Variants in LVRN observed in about 807,000 individuals in gnomAD.
LVRN encodes laeverin.
LVRN carries 99 observed loss-of-function variants against 111.4 expected under a neutral mutation model. The observed-to-expected ratio is 0.89, with a 90% confidence interval of 0.76 to 1.05. The LOEUF (loss-of-function observed/expected upper bound fraction) is 1.05, where lower values mean the gene tolerates loss of function less well. Ranked by LOEUF, LVRN falls within the 50% of genes least tolerant of loss-of-function variation. LVRN has a pLI of 0.00. For synonymous variants in LVRN, 488 were observed against 449.5 expected, an observed-to-expected ratio of 1.09 and a Z score of -1.08; for missense variants, 1,414 against 1,206.8, an observed-to-expected ratio of 1.17 and a Z score of -2.54.
At chr5:115,977,955 G>C (rs544496807) in intron 1 of LVRN, among the ~76,000 whole-genome samples, 4 of 152,196 alleles carry the variant, frequency 2.6e-5, no homozygotes, top group African/African-American at 9.6e-5. Context: ...GAAAGATCAA[G>C]ATCAAATAAG....
At position 116,015,670 on chromosome 5, in the gene LVRN, T is replaced by C; in HGVS notation, c.2661T>C (p.Asn887=). The C allele has an allele frequency of 2.5e-6, 4 of 1,613,546 alleles. No homozygotes were observed. The highest frequency in any genetic ancestry group is 3.4e-6 in the Non-Finnish European group (4 of 1,179,644). Residue 887 remains asparagine (N), a synonymous_variant, in exon 18 of 20, where the codon AAT becomes AAC. Coordinates refer to ENST00000357872, the MANE Select transcript of LVRN (RefSeq NM_173800.5). ...TCAGCACATCTCCATTCACTTCTAATGAAACAAATATAATTGAGGTTGTGG... is the reference window on the plus strand; with the variant it reads ...TCAGCACATCTCCATTCACTTCTAACGAAACAAATATAATTGAGGTTGTGG... ...YAISTSPFTS[N]ETNIIEVVAS...
chr5:116,015,019 T>G (rs1474176415), intron 16 of LVRN, among the ~76,000 whole-genome samples: 2 of 152,142 alleles, frequency 1.3e-5, no homozygotes, highest in African/African-American at 4.8e-5. Flanking sequence ...ATCAATATAC[T>G]CTATACTATT....
intron 1 of LVRN, among the ~76,000 whole-genome samples, chr5:115,963,799 C>T (rs1310379986): frequency 6.6e-6 from 1 of 152,194 alleles, no homozygotes; most frequent in African/African-American, 2.4e-5. Context: ...GCGGTCCTTC[C>T]TCTGGCCAGT....
chr5:116,012,532 TAATAA>T, intron 15 of LVRN, 64 bp downstream of exon 15: 1 of 963,300 alleles, frequency 1.0e-6, no homozygotes, highest in Non-Finnish European at 1.5e-6. Context: ...CTTCCAGAAG[TAATAA>T]AATAAAATCT....
intron 6 of LVRN, among the ~76,000 whole-genome samples, chr5:115,999,320 A>G (rs983690489): frequency 3.3e-5 from 5 of 152,188 alleles, no homozygotes; most frequent in African/African-American, 1.2e-4. Context: ...TTATTACATC[A>G]GCATCTTTGT....
intron 15 of LVRN, among the ~76,000 whole-genome samples, chr5:116,013,736 C>A (rs923623852): frequency 6.6e-6 from 1 of 152,272 alleles, no homozygotes; most frequent in African/African-American, 2.4e-5. Flanking sequence ...ATTTGGGTTT[C>A]TTTACCCTGA....
Position 116,026,299 on chromosome 5 carries a change from T to C in LVRN, c.*181T>C, listed in dbSNP as rs1039310311. The stretch of plus-strand genomic sequence containing the variant: ...TTTGGCCCTGAGGGTGGGTGATTGC[T>C]GACAATTTTGCCAATGCTGCTGTAT... On this transcript the variant is annotated 3_prime_UTR_variant, in exon 20 of 20. Transcript: ENST00000357872. The C allele has an allele frequency of 1.1e-5, 9 of 841,762 alleles. No individual in the cohort carries two copies. The African/African-American group carries it at 1.6e-4, about 15-fold the overall frequency. The allele number at this position is 841,762 out of a possible 1,614,324, so 52.1% of individuals were successfully genotyped here. A position where few individuals can be genotyped will look rare whatever the true frequency, so the allele number is the denominator to read the frequency against.
At chr5:116,011,882 T>G (rs948576173) in intron 14 of LVRN, among the ~76,000 whole-genome samples, 3 of 152,214 alleles carry the variant, frequency 2.0e-5, no homozygotes, top group African/African-American at 4.8e-5. Context: ...ATTTACCAGC[T>G]AATAGCTTAT....
In LVRN at chr5:115,963,039, C is replaced by A; in HGVS notation, c.422C>A (p.Thr141Asn). The stretch of plus-strand genomic sequence containing the variant: ...ATCACGGTGCGCTGCACGGTGGCCA[C>A]CTCTCGACTGCTGCTGCATAGCCTC... ...VNITVRCTVA[T>N]SRLLLHSLFQ... The change falls in exon 1 of 20, where the codon ACC becomes AAC. Residue 141 changes from threonine (T) to asparagine (N), a missense_variant. By Grantham distance (65) the Thr-to-Asn change is moderately conservative. Coordinates refer to ENST00000357872, the MANE Select transcript of LVRN (RefSeq NM_173800.5). 1.2e-6 allele frequency: 2 copies of A among 1,613,632 alleles called. No individual in the cohort carries two copies. The highest frequency in any genetic ancestry group is 1.7e-6 in the Non-Finnish European group (2 of 1,179,924).
intron 3 of LVRN, among the ~76,000 whole-genome samples, chr5:115,985,906 A>G (rs1222987626): frequency 6.6e-6 from 1 of 152,192 alleles, no homozygotes; most frequent in Non-Finnish European, 1.5e-5. Context: ...GCTCGCTAAC[A>G]TACTCTCCTG....
intron 12 of LVRN, among the ~76,000 whole-genome samples, chr5:116,004,365 C>G (rs561444843): frequency 6.6e-5 from 10 of 152,310 alleles, no homozygotes; most frequent in African/African-American, 2.4e-4. Flanking sequence ...ACAGTTGGCT[C>G]TGCTGTGACT....
intron 1 of LVRN, among the ~76,000 whole-genome samples, chr5:115,981,552 C>T (rs1753560328): frequency 6.6e-6 from 1 of 152,106 alleles, no homozygotes; most frequent in African/African-American, 2.4e-5. Flanking sequence ...ATGGGGTATC[C>T]ATCCCCTCAA....
chr5:116,015,527 G>A (rs17138667), intron 17 of LVRN, 101 bp from the exon 18 acceptor site: 315,719 of 1,475,400 alleles, frequency 0.21, 36,340 homozygotes, highest in African/African-American at 0.4. Context: ...GCGTATTTGT[G>A]CTTCACTACC....
At chr5:115,997,010 A>G (rs1222122708) in intron 6 of LVRN, among the ~76,000 whole-genome samples, 1 of 152,212 alleles carries the variant, frequency 6.6e-6, no homozygotes, top group Non-Finnish European at 1.5e-5. Context: ...TATTTATATT[A>G]TCTCATTCAA....
intron 18 of LVRN, among the ~76,000 whole-genome samples, chr5:116,017,037 T>C (rs1748616333): frequency 6.6e-6 from 1 of 152,236 alleles, no homozygotes; most frequent in Non-Finnish European, 1.5e-5. Context: ...TGGTATCTGA[T>C]AAATGCTGTA....
chr5:115,993,753 T>A lies in LVRN; in HGVS notation c.1273T>A (p.Leu425Met), dbSNP rs1748046119. The A allele has an allele frequency of 6.2e-7, 1 of 1,603,646 alleles. No individual in the cohort carries two copies. The highest frequency in any genetic ancestry group is 8.5e-7 in the Non-Finnish European group (1 of 1,177,212). The change falls in exon 6 of 20, where the codon TTG becomes ATG. Residue 425 changes from leucine to methionine, a missense_variant. Leu to Met is a conservative substitution (Grantham distance 15). Transcript: ENST00000357872. ...TCATTTCCAAAAGTGGTTTGGAAACTTGGTTACCATGAATTGGTGGAACAA... is the reference window on the plus strand; with the variant it reads ...TCATTTCCAAAAGTGGTTTGGAAACATGGTTACCATGAATTGGTGGAACAA... ...HEIGHQWFGN[L>M]VTMNWWNNIW...
At chr5:115,964,720 G>A (rs956850025) in intron 1 of LVRN, among the ~76,000 whole-genome samples, 3 of 152,058 alleles carry the variant, frequency 2.0e-5, no homozygotes, top group South Asian at 4.1e-4. Flanking sequence ...GGGAAGTCCC[G>A]TTCAATTTTT....
chr5:116,021,674 CTATT>C lies in LVRN; in HGVS notation c.2757-715_2757-712del, dbSNP rs559606738. The C allele has an allele frequency of 2.0e-3, 903 of 443,896 alleles. 1 individual carries two copies. Among genetic ancestry groups the C allele is most frequent in the Non-Finnish European group, 2.9e-3 (650 of 222,816 alleles). The allele number at this position is 443,896 out of a possible 1,614,324, so 27.5% of individuals were successfully genotyped here. A position where few individuals can be genotyped will look rare whatever the true frequency, so the allele number is the denominator to read the frequency against. On this transcript the variant is annotated intron_variant, in intron 18 of 19. Transcript: ENST00000357872. ...TCTTGGTCAGTCCATTATAATAACC[CTATT>C]TTAATTTTTCTTTCCTTTTTAATGC... is the stretch of plus-strand genomic sequence containing the variant.
At chr5:116,023,121 C>T (rs531459083) in intron 19 of LVRN, among the ~76,000 whole-genome samples, 1 of 152,246 alleles carries the variant, frequency 6.6e-6, no homozygotes, top group African/African-American at 2.4e-5. Flanking sequence ...ATTCTAGGAA[C>T]TTTTTAATGA....
Sources: gnomAD v4.1 joint callset for allele counts (sites outside exome capture counted in the v4.1 genomes callset) on GRCh38, gnomAD v4.1.1 for gene constraint, MANE v1.5 for transcripts, NCBI Gene and HGNC (gene_info 2026-07-23, HGNC 2026-07-21) for gene names.